GRID2: variants seen among roughly 807,000 people sequenced by gnomAD.
GRID2 encodes glutamate ionotropic receptor delta type subunit 2.
Under a neutral mutation model 114.8 loss-of-function variants are expected in GRID2, and 33 were observed. The ratio of observed to expected loss-of-function variants is 0.29; its 90% CI spans 0.22 to 0.38. The LOEUF is 0.38. Among genes scored for constraint, GRID2 ranks in the 10% least tolerant of loss-of-function variants. The pLI, the probability that GRID2 is intolerant of heterozygous loss-of-function variation, is 1.00. For missense variants in GRID2, 1,184 were observed against 1,257.7 expected (o/e 0.94, Z 0.89); for synonymous variants, 505 against 449.9 (o/e 1.12, Z -1.55).
intron 1 of GRID2, among the ~76,000 whole-genome samples, chr4:93,794,191 G>A (rs1734751022): frequency 6.6e-6 from 1 of 152,154 alleles, no homozygotes; most frequent in Non-Finnish European, 1.5e-5. Context: ...ATAAATGATA[G>A]GTTCCTTTTA....
chr4:93,580,764 CT>C (rs1017383850), intron 13 of GRID2, among the ~76,000 whole-genome samples: 1 of 146,412 alleles, frequency 6.8e-6, no homozygotes, highest in Non-Finnish European at 1.5e-5. Flanking sequence ...TTTTTTTTTT[CT>C]TTTTTTTGGT....
chr4:93,494,031 A>G (rs949831939), intron 12 of GRID2, among the ~76,000 whole-genome samples: 1 of 151,822 alleles, frequency 6.6e-6, no homozygotes, highest in Non-Finnish European at 1.5e-5. Context: ...ATGCCTCAAC[A>G]GTGTTGGTAA....
chr4:93,450,025 T>C (rs1017896701), intron 10 of GRID2, among the ~76,000 whole-genome samples: 42 of 152,102 alleles, frequency 2.8e-4, no homozygotes, highest in African/African-American at 1.0e-3. Flanking sequence ...TAAAATTTTA[T>C]TTGACCTTAA....
chr4:92,304,806 C>T (rs1464408049), intron 1 of GRID2, 62 bp downstream of exon 1: 2 of 1,181,864 alleles, frequency 1.7e-6, no homozygotes, highest in Non-Finnish European at 2.5e-6. Context: ...AATGTTTCCC[C>T]TTCGCTTTCC....
chr4:92,738,718 C>T lies in GRID2; in HGVS notation c.244+148432C>T, dbSNP rs1398608218. Among the ~76,000 whole-genome samples the T allele has an allele frequency of 2.0e-5, 3 of 152,220 alleles. No individual in the cohort carries two copies. The East Asian group carries it at 5.8e-4, about 29-fold the overall frequency. ...TCATGCTGGAGTACAGTATCATGAT[C>T]ATAGCTCACTGCAGCACTGAACTCC... On this transcript the variant is annotated intron_variant, in intron 2 of 15. Transcript: ENST00000282020.
chr4:93,006,184 A>T lies in GRID2; in HGVS notation c.245-78811A>T, dbSNP rs572769214. ...CTACCCACAAAAACATTTTTAGCAT[A>T]ACTAAAATACATTCAATACAACAAA... On this transcript the variant is annotated intron_variant, in intron 2 of 15. Coordinates refer to ENST00000282020, the MANE Select transcript of GRID2 (RefSeq NM_001510.4). Among the ~76,000 whole-genome samples, 5 of 152,228 alleles carry T rather than the reference A, an allele frequency of 3.3e-5. No homozygotes were observed. In the East Asian group the frequency reaches 9.7e-4, roughly 29 times the overall value.
At chr4:92,643,119 T>C (rs1731442294) in intron 2 of GRID2, among the ~76,000 whole-genome samples, 1 of 151,760 alleles carries the variant, frequency 6.6e-6, no homozygotes, top group Non-Finnish European at 1.5e-5. Context: ...AATAGTTTTA[T>C]TTTTTTAATT....
chr4:92,474,013 C>T (rs909356284), intron 1 of GRID2, among the ~76,000 whole-genome samples: 15 of 144,020 alleles, frequency 1.0e-4, no homozygotes, highest in African/African-American at 3.0e-4. Context: ...TGTACGTATG[C>T]GATGACAACA....
chr4:93,257,722 T>G (rs1284034733), intron 8 of GRID2, among the ~76,000 whole-genome samples: 1 of 151,416 alleles, frequency 6.6e-6, no homozygotes, highest in Non-Finnish European at 1.5e-5. Flanking sequence ...TGAATTATCT[T>G]TCTCATATAA....
rs1014860058 is a variant in GRID2, at chr4:92,937,547, C to CT, written c.245-147446dup. Among the ~76,000 whole-genome samples the CT allele has an allele frequency of 3.4e-5, 5 of 146,244 alleles. 2 individuals are homozygous for CT. Among genetic ancestry groups the CT allele is most frequent in the Non-Finnish European group, 7.6e-5 (5 of 66,162 alleles). ...CTTCCAATTGATCAGTATGTTTATC[C>CT]TTATGCCAATGATCCATATATTTAT... On this transcript the variant is annotated intron_variant, in intron 2 of 15. Transcript: ENST00000282020.
intron 13 of GRID2, among the ~76,000 whole-genome samples, chr4:93,566,607 T>C (rs989033491): frequency 6.6e-6 from 1 of 152,006 alleles, no homozygotes; most frequent in African/African-American, 2.4e-5. Context: ...CTGTCTCTAC[T>C]AAAAATTCAA....
rs185719401 is a variant in GRID2 at position 92,941,271 on chromosome 4, T to G, written c.245-143724T>G. ...TCCTGTAACTGGTCTATTCAGAGAT[T>G]CAACTTCTTCCTGGTTTAGTCTTGG... is the stretch of plus-strand genomic sequence containing the variant. On this transcript the variant is annotated intron_variant, in intron 2 of 15. Coordinates refer to ENST00000282020, the MANE Select transcript of GRID2 (RefSeq NM_001510.4). 7.8e-4 allele frequency among the ~76,000 whole-genome samples: 119 copies of G among 152,308 alleles called. 1 individual carries two copies. The highest frequency in any genetic ancestry group is 6.2e-3 in the Admixed American group (95 of 15,284).
intron 11 of GRID2, among the ~76,000 whole-genome samples, chr4:93,486,582 C>CT (rs1726428237): frequency 1.3e-5 from 2 of 151,682 alleles, no homozygotes; most frequent in Admixed American, 6.6e-5. Flanking sequence ...GGATGTTGAA[C>CT]TTTATCTGTA....
intron 13 of GRID2, among the ~76,000 whole-genome samples, chr4:93,608,511 TC>T (rs1740566763): frequency 6.8e-6 from 1 of 146,460 alleles, no homozygotes; most frequent in Non-Finnish European, 1.5e-5. Context: ...CCTTCCTGTG[TC>T]CATGTGATCT....
At chr4:92,878,952 G>A (rs558260637) in intron 2 of GRID2, among the ~76,000 whole-genome samples, 2 of 152,016 alleles carry the variant, frequency 1.3e-5, no homozygotes, top group African/African-American at 2.4e-5. Context: ...GTTATTTCAC[G>A]TTTTGCTGCT....
chr4:92,399,928 A>G (rs1036890687), intron 1 of GRID2, among the ~76,000 whole-genome samples: 1 of 151,810 alleles, frequency 6.6e-6, no homozygotes, highest in Non-Finnish European at 1.5e-5. Context: ...AGAGCATATT[A>G]TTTCATTGTG....
rs1734219200 is a variant in GRID2 at position 93,772,927 on chromosome 4, C to G, written c.*429C>G. ...GTCTTTTTACATTCTTCTGCTGCAT[C>G]CATACAATGCTCCACTGCTGTTGAG... On this transcript the variant is annotated 3_prime_UTR_variant, in exon 16 of 16. Coordinates refer to ENST00000282020, the MANE Select transcript of GRID2 (RefSeq NM_001510.4). The G allele has an allele frequency of 6.3e-6, 1 of 157,898 alleles. No individual in the cohort carries two copies. Among genetic ancestry groups the G allele is most frequent in the Non-Finnish European group, 1.4e-5 (1 of 72,008 alleles). The allele number at this position is 157,898 out of a possible 1,614,324, so 9.8% of individuals were successfully genotyped here.
chr4:93,561,536 A>G (rs114350117), intron 13 of GRID2, among the ~76,000 whole-genome samples: 4,485 of 152,236 alleles, frequency 0.029, 87 homozygotes, highest in Admixed American at 0.044. Context: ...ACAATGGCAC[A>G]TCATTATCGT....
intron 1 of GRID2, among the ~76,000 whole-genome samples, chr4:92,477,459 T>G (rs1469305792): frequency 2.6e-5 from 4 of 151,988 alleles, no homozygotes; most frequent in Non-Finnish European, 4.4e-5. Flanking sequence ...AAACACTGTT[T>G]CAGTGATTAC....
Sources: allele counts gnomAD v4.1 joint callset (sites outside exome capture counted in the v4.1 genomes callset), GRCh38; gene constraint gnomAD v4.1.1; transcripts MANE v1.5; gene names NCBI Gene and HGNC (gene_info 2026-07-23, HGNC 2026-07-21).